The following SLC30A8 variants were observed in gnomAD, a reference collection of about 807,000 sequenced individuals.
The protein encoded by SLC30A8 is proton-coupled zinc antiporter SLC30A8.
Under a neutral mutation model 36.9 loss-of-function variants are expected in SLC30A8, and 27 were observed. That is an observed-to-expected ratio of 0.73 (90% CI 0.54 to 1.01). SLC30A8 has a LOEUF of 1.01. SLC30A8 is among the 50% of genes least tolerant of loss of function. The pLI is 0.00. For missense variants in SLC30A8, 439 were observed against 452.0 expected, an observed-to-expected ratio of 0.97 and a Z score of 0.26; for synonymous variants, 164 against 172.4, an observed-to-expected ratio of 0.95 and a Z score of 0.38.
chr8:117,114,053 C>CTAGAT (rs1464222313), intron 2 of SLC30A8, among the ~76,000 whole-genome samples: 1 of 152,074 alleles, frequency 6.6e-6, no homozygotes. Context: ...AACAGTATCA[C>CTAGAT]TAGATTACTG....
chr8:116,987,432 TAATAA>T (rs767004196), intron 1 of SLC30A8, among the ~76,000 whole-genome samples: 89 of 151,814 alleles, frequency 5.9e-4, no homozygotes, highest in African/African-American at 1.0e-3. Flanking sequence ...CCTAAAAGTA[TAATAA>T]AATAAAAAAT....
chr8:116,976,008 C>A (rs1814989365), intron 1 of SLC30A8, among the ~76,000 whole-genome samples: 1 of 152,026 alleles, frequency 6.6e-6, no homozygotes, highest in Admixed American at 6.6e-5. Flanking sequence ...AACTAGAAGC[C>A]AATAAGGAAG....
At chr8:117,164,268 A>C (rs1440072100) in intron 6 of SLC30A8, 2 of 152,226 alleles carry the variant, frequency 1.3e-5, no homozygotes, top group Non-Finnish European at 2.9e-5. Context: ...AATAAAGTAT[A>C]GTAAAATAAA....
At chr8:116,957,459 C>T (rs901756911) in intron 1 of SLC30A8, among the ~76,000 whole-genome samples, 1 of 151,956 alleles carries the variant, frequency 6.6e-6, no homozygotes, top group Non-Finnish European at 1.5e-5. Context: ...TTAGTAGAGA[C>T]AGGATTTCAC....
At chr8:116,954,795 T>G (rs1222738607) in intron 1 of SLC30A8, among the ~76,000 whole-genome samples, 1 of 152,212 alleles carries the variant, frequency 6.6e-6, no homozygotes, top group African/African-American at 2.4e-5. Flanking sequence ...GTGAGATATT[T>G]GAGTGTGCTT....
chr8:117,031,607 T>A (rs1817052468), intron 1 of SLC30A8, among the ~76,000 whole-genome samples: 1 of 151,956 alleles, frequency 6.6e-6, no homozygotes, highest in African/African-American at 2.4e-5. Context: ...ATTACAGGCA[T>A]GCACCACCAC....
Position 117,032,891 on chromosome 8 carries a change from TA to T in SLC30A8, c.-265-6314del, listed in dbSNP as rs1178864382. 4.3e-3 allele frequency among the ~76,000 whole-genome samples: 609 copies of T among 140,918 alleles called. 1 individual carries two copies. Among genetic ancestry groups the T allele is most frequent in the Middle Eastern group, 0.011 (3 of 272 alleles). The allele number at this position is 140,918 out of a possible 152,430, so 92.4% of individuals were successfully genotyped here. The stretch of plus-strand genomic sequence containing the variant: ...GGTGACAACAGCGAGACTCTGTCTT[TA>T]AAAAAAAAAAAAAGAAAAAAGACTT... On this transcript the variant is annotated intron_variant, in intron 1 of 10. Transcript: ENST00000427715.
At chr8:117,118,539 A>T (rs1820549783) in intron 2 of SLC30A8, among the ~76,000 whole-genome samples, 1 of 149,300 alleles carries the variant, frequency 6.7e-6, no homozygotes, top group Admixed American at 6.7e-5. Context: ...TCAATAGCTC[A>T]TTTTTTTTTT....
At chr8:117,015,541 C>G (rs1348151671) in intron 1 of SLC30A8, among the ~76,000 whole-genome samples, 2 of 151,794 alleles carry the variant, frequency 1.3e-5, no homozygotes, top group Non-Finnish European at 2.9e-5. Context: ...TATGCACCCC[C>G]CCCCCCCAAA....
At chr8:117,083,129 A>G (rs1358075562) in intron 2 of SLC30A8, among the ~76,000 whole-genome samples, 3 of 152,146 alleles carry the variant, frequency 2.0e-5, no homozygotes, top group Non-Finnish European at 2.9e-5. Flanking sequence ...GTTCCTTCCA[A>G]TTAGAATCAT....
At chr8:116,977,141 C>CTTTTTTTTTTTTTTTTTTT (rs71305451) in intron 1 of SLC30A8, among the ~76,000 whole-genome samples, 7 of 59,108 alleles carry the variant, frequency 1.2e-4, no homozygotes, top group East Asian at 6.0e-4. Context: ...CTTTTTCTTG[C>CTTTTTTTTTTTTTTTTTTT]TTTTTTTTTT....
At chr8:117,167,202 T>C (rs528356307) in intron 6 of SLC30A8, among the ~76,000 whole-genome samples, 1 of 152,284 alleles carries the variant, frequency 6.6e-6, no homozygotes, top group African/African-American at 2.4e-5. Flanking sequence ...TGATTATCTT[T>C]CTTATTTTAC....
At chr8:116,961,882 T>A (rs1043214253) in intron 1 of SLC30A8, among the ~76,000 whole-genome samples, 4 of 151,916 alleles carry the variant, frequency 2.6e-5, no homozygotes, top group African/African-American at 7.2e-5. Flanking sequence ...CAGAATGGTA[T>A]TAATCCATGC....
At chr8:117,070,818 T>C (rs1398648616) in intron 2 of SLC30A8, among the ~76,000 whole-genome samples, 1 of 152,226 alleles carries the variant, frequency 6.6e-6, no homozygotes, top group Non-Finnish European at 1.5e-5. Flanking sequence ...ATTCCACATA[T>C]AAGTGAGATC....
At chr8:117,153,130 T>C in intron 3 of SLC30A8, 40 bp downstream of exon 3, 2 of 1,500,380 alleles carry the variant, frequency 1.3e-6, no homozygotes, top group Non-Finnish European at 1.8e-6. Context: ...AGGCTGGTGC[T>C]GCAAAGTCAA....
chr8:117,092,719 C>A (rs1024209640), intron 2 of SLC30A8, among the ~76,000 whole-genome samples: 7 of 152,080 alleles, frequency 4.6e-5, no homozygotes, highest in Admixed American at 1.3e-4. Flanking sequence ...ATAGTGAGAC[C>A]CTGGTACAAG....
At chr8:117,074,870 T>C (rs1166375949) in intron 2 of SLC30A8, among the ~76,000 whole-genome samples, 2 of 152,242 alleles carry the variant, frequency 1.3e-5, no homozygotes, top group Non-Finnish European at 2.9e-5. Context: ...TGTTTTTTTC[T>C]CTCCATTATC....
At chr8:117,047,784 A>C (rs1178880459) in intron 2 of SLC30A8, among the ~76,000 whole-genome samples, 1 of 152,158 alleles carries the variant, frequency 6.6e-6, no homozygotes, top group Non-Finnish European at 1.5e-5. Flanking sequence ...ATGAGACAGG[A>C]GGTCAGCACA....
At chr8:116,952,044 C>T (rs539936410) in intron 1 of SLC30A8, among the ~76,000 whole-genome samples, 17 of 152,198 alleles carry the variant, frequency 1.1e-4, no homozygotes, top group African/African-American at 9.6e-5. Context: ...CGTTTTGGAG[C>T]ATAGCCAAGA....
Sources: gnomAD v4.1 joint callset for allele counts (sites outside exome capture counted in the v4.1 genomes callset) on GRCh38, gnomAD v4.1.1 for gene constraint, MANE v1.5 for transcripts, NCBI Gene and HGNC (gene_info 2026-07-23, HGNC 2026-07-21) for gene names.